Variants in UQCC1 observed in about 807,000 individuals in gnomAD.
The protein encoded by UQCC1 is ubiquinol-cytochrome c reductase complex assembly factor 1.
A neutral mutation model predicts 48.0 loss-of-function variants in UQCC1; 38 were observed. That is an observed-to-expected ratio of 0.79 (90% CI 0.61 to 1.04). The LOEUF (loss-of-function observed/expected upper bound fraction) is 1.04. Among genes scored for constraint, UQCC1 ranks in the 50% least tolerant of loss-of-function variants. The probability of loss-of-function intolerance (pLI) is 0.00; values close to 1 mark genes in which losing one functional copy is unlikely to be tolerated. For synonymous variants in UQCC1, 111 were observed against 129.2 expected, an observed-to-expected ratio of 0.86 and a Z score of 0.95; for missense variants, 368 against 381.8, an observed-to-expected ratio of 0.96 and a Z score of 0.30.
chr20:35,402,127 T>C (rs1365975438), intron 1 of UQCC1, among the ~76,000 whole-genome samples: 1 of 152,120 alleles, frequency 6.6e-6, no homozygotes, highest in African/African-American at 2.4e-5. Context: ...AAGAAGAGAA[T>C]GTTTAACCAT....
At chr20:35,364,062 C>T (rs2061638148) in intron 6 of UQCC1, among the ~76,000 whole-genome samples, 3 of 152,230 alleles carry the variant, frequency 2.0e-5, no homozygotes, top group Admixed American at 1.3e-4. Context: ...CCTTCCACTA[C>T]ATTCCTCAAT....
intron 6 of UQCC1, among the ~76,000 whole-genome samples, chr20:35,361,378 T>C (rs1257984725): frequency 6.6e-6 from 1 of 151,998 alleles, no homozygotes; most frequent in Non-Finnish European, 1.5e-5. Flanking sequence ...TAAATGAGGT[T>C]CCCAGCTTCT....
intron 8 of UQCC1, among the ~76,000 whole-genome samples, chr20:35,313,113 A>G (rs536323528): frequency 6.6e-6 from 1 of 152,260 alleles, no homozygotes; most frequent in African/African-American, 2.4e-5. Context: ...GTGGTGGCTC[A>G]CGCCTGTAAT....
chr20:35,309,004 C>T (rs557181854), intron 8 of UQCC1, among the ~76,000 whole-genome samples: 55 of 152,256 alleles, frequency 3.6e-4, no homozygotes, highest in African/African-American at 1.2e-3. Context: ...CGTGAGCCAC[C>T]GCACCTGGCC....
intron 6 of UQCC1, among the ~76,000 whole-genome samples, chr20:35,350,406 T>G (rs1011397131): frequency 6.6e-6 from 1 of 152,134 alleles, no homozygotes; most frequent in Admixed American, 6.5e-5. Context: ...GACAGAAGGT[T>G]GACAACATGA....
At chr20:35,306,638 T>C in intron 9 of UQCC1, 28 bp downstream of exon 9, 1 of 1,578,544 alleles carries the variant, frequency 6.3e-7, no homozygotes, top group South Asian at 1.1e-5. Context: ...TTGCCAGGAC[T>C]TGGGAGGGGA....
Position 35,363,997 on chromosome 20 carries a change from A to G in UQCC1, c.464+2560T>C, listed in dbSNP as rs539303738. Among the ~76,000 whole-genome samples the G allele has an allele frequency of 3.9e-5, 6 of 152,234 alleles. No homozygotes were observed. In the East Asian group the frequency reaches 1.2e-3, roughly 29 times the overall value. ...TTCCATTAGAAGAAAGACTTCTCCG[A>G]TTCTTGGAGGATCACAGCACAACTG... On this transcript the variant is annotated intron_variant, in intron 6 of 9. Coordinates refer to ENST00000374385, the MANE Select transcript of UQCC1 (RefSeq NM_018244.5).
chr20:35,305,648 C>A (rs1167036605), intron 9 of UQCC1, among the ~76,000 whole-genome samples: 2 of 152,242 alleles, frequency 1.3e-5, no homozygotes, highest in African/African-American at 4.8e-5. Context: ...ATTCTCTACC[C>A]TGTGGGTCTG....
intron 6 of UQCC1, among the ~76,000 whole-genome samples, chr20:35,357,709 A>G (rs534357753): frequency 1.3e-4 from 19 of 151,940 alleles, no homozygotes; most frequent in Admixed American, 1.1e-3. Flanking sequence ...GAAACAAAGA[A>G]AAATAAATAA....
At chr20:35,345,973 CAAAAG>C (rs1161613412) in intron 7 of UQCC1, 2 of 152,128 alleles carry the variant, frequency 1.3e-5, no homozygotes, top group Admixed American at 6.5e-5. Context: ...ACAACATAAA[CAAAAG>C]AAGATACTAG....
intron 6 of UQCC1, among the ~76,000 whole-genome samples, chr20:35,351,525 T>C (rs543099234): frequency 1.2e-4 from 19 of 152,312 alleles, no homozygotes; most frequent in African/African-American, 4.3e-4. Flanking sequence ...TCCTTTTTCA[T>C]AAGACTTTTC....
At chr20:35,334,638 T>A (rs1214916404) in intron 7 of UQCC1, among the ~76,000 whole-genome samples, 2 of 152,244 alleles carry the variant, frequency 1.3e-5, no homozygotes. Flanking sequence ...CTTCTCCTAC[T>A]AGACTAGGGA....
At chr20:35,326,054 C>A (rs1445763592) in intron 7 of UQCC1, among the ~76,000 whole-genome samples, 1 of 152,044 alleles carries the variant, frequency 6.6e-6, no homozygotes, top group Admixed American at 6.6e-5. Flanking sequence ...CAAAAAGTAA[C>A]CCTAGAAGTA....
intron 7 of UQCC1, among the ~76,000 whole-genome samples, chr20:35,317,618 T>A (rs1254072108): frequency 1.3e-5 from 2 of 152,214 alleles, no homozygotes; most frequent in African/African-American, 2.4e-5. Flanking sequence ...TAGAGCTGCT[T>A]ATGCACCTGT....
chr20:35,330,797 G>C (rs553323857), intron 7 of UQCC1, among the ~76,000 whole-genome samples: 33 of 152,168 alleles, frequency 2.2e-4, no homozygotes, highest in African/African-American at 7.9e-4. Flanking sequence ...TTATCTCATG[G>C]ATTTTTTTTC....
chr20:35,330,566 C>T (rs1568660982), intron 7 of UQCC1, among the ~76,000 whole-genome samples: 1 of 152,188 alleles, frequency 6.6e-6, no homozygotes. Context: ...ATTCTTCTGA[C>T]ATCCATACCC....
At chr20:35,400,698 T>C (rs1322578400) in intron 1 of UQCC1, among the ~76,000 whole-genome samples, 2 of 152,060 alleles carry the variant, frequency 1.3e-5, no homozygotes, top group Non-Finnish European at 2.9e-5. Context: ...GGTTTCACCA[T>C]GTTCGCCAGG....
chr20:35,321,479 G>A (rs1026861752), intron 7 of UQCC1, among the ~76,000 whole-genome samples: 6 of 152,138 alleles, frequency 3.9e-5, no homozygotes, highest in Non-Finnish European at 7.3e-5. Context: ...AGCATGAGGA[G>A]GTCCATTTTA....
At chr20:35,306,895 C>T (rs768412119) in intron 8 of UQCC1, 116 bp from the exon 9 acceptor site, 8 of 800,710 alleles carry the variant, frequency 1.0e-5, no homozygotes, top group East Asian at 2.6e-5. Flanking sequence ...GGGCCCTCCA[C>T]GCACAAGAGG....
Sources: gnomAD v4.1 joint callset for allele counts (sites outside exome capture counted in the v4.1 genomes callset) on GRCh38, gnomAD v4.1.1 for gene constraint, MANE v1.5 for transcripts, NCBI Gene and HGNC (gene_info 2026-07-23, HGNC 2026-07-21) for gene names.